Variants in RANBP2 observed in about 807,000 individuals in gnomAD.
RANBP2 encodes the protein RAN binding protein 2.
Under a neutral mutation model 303.6 loss-of-function variants are expected in RANBP2, and 57 were observed. The observed-to-expected ratio is 0.19, with a 90% CI of 0.15 to 0.23. The LOEUF (loss-of-function observed/expected upper bound fraction) is 0.23. Ranked by LOEUF, RANBP2 falls within the 10% of genes least tolerant of loss-of-function variation. RANBP2 has a pLI of 1.00. For synonymous variants in RANBP2, 1,167 were observed against 1,301.5 expected (o/e 0.90, Z 2.23); for missense variants, 3,138 against 3,780.8 (o/e 0.83, Z 4.46).
chr2:109,655,043 C>T, the RANBP2 span, among the ~76,000 whole-genome samples: 1 of 151,964 alleles, frequency 6.6e-6, no homozygotes, highest in African/African-American at 2.4e-5. Flanking sequence ...GCTGGCATTA[C>T]AGGTGCCCAC....
chr2:109,375,691 G>T, the RANBP2 span, among the ~76,000 whole-genome samples: 40 of 152,380 alleles, frequency 2.6e-4, no homozygotes, highest in African/African-American at 8.2e-4. Context: ...GTCATCCAGA[G>T]TTCTGCCCTC....
At chr2:109,286,234 C>A in the RANBP2 span, among the ~76,000 whole-genome samples, 3 of 152,194 alleles carry the variant, frequency 2.0e-5, no homozygotes, top group African/African-American at 4.8e-5. Flanking sequence ...CATTCTGTTT[C>A]TCTGAGGGAG....
At chr2:109,737,401 T>C in the RANBP2 span, 87 of 656,588 alleles carry the variant, frequency 1.3e-4, no homozygotes, top group Admixed American at 5.3e-4. Context: ...TTGCAAAAAC[T>C]GCTCAAAATT....
the RANBP2 span, among the ~76,000 whole-genome samples, chr2:109,042,985 G>T: frequency 6.6e-6 from 1 of 152,160 alleles, no homozygotes; most frequent in Non-Finnish European, 1.5e-5. Context: ...TAACTGTCCC[G>T]AATTCTGTGG....
the RANBP2 span, among the ~76,000 whole-genome samples, chr2:109,487,478 C>T: frequency 6.6e-6 from 1 of 152,216 alleles, no homozygotes; most frequent in Non-Finnish European, 1.5e-5. Context: ...GGAAGGCGGA[C>T]GTTTTGGAGA....
chr2:109,536,417 C>T, the RANBP2 span, among the ~76,000 whole-genome samples: 3 of 152,216 alleles, frequency 2.0e-5, no homozygotes. Context: ...TACTGGATTT[C>T]AGACTTGCAT....
At chr2:108,857,327 C>T in the RANBP2 span, among the ~76,000 whole-genome samples, 1 of 152,034 alleles carries the variant, frequency 6.6e-6, no homozygotes, top group African/African-American at 2.4e-5. Context: ...CCTCGGCCTC[C>T]CAAAGCACTG....
the RANBP2 span, among the ~76,000 whole-genome samples, chr2:108,853,906 A>G: frequency 8.1e-6 from 1 of 122,980 alleles, no homozygotes; most frequent in Non-Finnish European, 1.6e-5. Flanking sequence ...TATATTATAT[A>G]TTATATAGTA....
the RANBP2 span, among the ~76,000 whole-genome samples, chr2:109,344,889 C>T: frequency 5.7e-4 from 87 of 152,274 alleles, no homozygotes; most frequent in African/African-American, 2.0e-3. Flanking sequence ...CATCTGGGTT[C>T]ACATCAAGTC....
chr2:109,504,969 G>A, the RANBP2 span, among the ~76,000 whole-genome samples: 3 of 152,210 alleles, frequency 2.0e-5, no homozygotes, highest in African/African-American at 7.2e-5. Flanking sequence ...TGGAAGGGCA[G>A]GGTGGCTTGC....
chr2:109,351,449 C>T, the RANBP2 span, among the ~76,000 whole-genome samples: 1 of 152,258 alleles, frequency 6.6e-6, no homozygotes, highest in Non-Finnish European at 1.5e-5. Flanking sequence ...ATGTGAACTA[C>T]TCCATTGTTT....
At chr2:108,757,531 C>A (rs549269083) in intron 17 of RANBP2, among the ~76,000 whole-genome samples, 3 of 152,144 alleles carry the variant, frequency 2.0e-5, no homozygotes, top group Admixed American at 6.5e-5. Context: ...ATAATAAATT[C>A]TCTGCAGCTA....
chr2:109,558,821 T>C, the RANBP2 span, among the ~76,000 whole-genome samples: 19 of 152,182 alleles, frequency 1.2e-4, no homozygotes, highest in Non-Finnish European at 1.9e-4. Flanking sequence ...GGACAGATTT[T>C]ACATGCCAAC....
the RANBP2 span, among the ~76,000 whole-genome samples, chr2:108,848,843 A>G: frequency 1.3e-5 from 2 of 152,204 alleles, no homozygotes; most frequent in Non-Finnish European, 1.5e-5. Context: ...GGCACTTCAT[A>G]TTATGTATTG....
At chr2:108,918,049 T>C in the RANBP2 span, among the ~76,000 whole-genome samples, 1 of 152,080 alleles carries the variant, frequency 6.6e-6, no homozygotes, top group African/African-American at 2.4e-5. Context: ...TCATGTTGAA[T>C]GCACGTGATG....
the RANBP2 span, among the ~76,000 whole-genome samples, chr2:109,714,611 T>G: frequency 2.6e-5 from 4 of 151,754 alleles, no homozygotes; most frequent in African/African-American, 9.7e-5. Context: ...TTATTTTATT[T>G]TTATTTTTTA....
At chr2:109,405,723 A>C in the RANBP2 span, among the ~76,000 whole-genome samples, 1 of 151,994 alleles carries the variant, frequency 6.6e-6, no homozygotes, top group Admixed American at 6.6e-5. Flanking sequence ...TCCACCACCA[A>C]ATCAATTCCC....
the RANBP2 span, chr2:108,804,744 C>G: frequency 1.2e-5 from 7 of 570,590 alleles, no homozygotes; most frequent in Non-Finnish European, 2.0e-5. Context: ...AATTACTTGC[C>G]ACACTAGTCA....
the RANBP2 span, among the ~76,000 whole-genome samples, chr2:109,298,106 G>A: frequency 1.3e-5 from 2 of 152,292 alleles, no homozygotes; most frequent in East Asian, 3.9e-4. Flanking sequence ...TGCTTCTCAG[G>A]GGGATGCAGA....
Sources: allele counts gnomAD v4.1 joint callset (sites outside exome capture counted in the v4.1 genomes callset), GRCh38; gene constraint gnomAD v4.1.1; transcripts MANE v1.5; gene names NCBI Gene and HGNC (gene_info 2026-07-23, HGNC 2026-07-21).